Variants in VPS8 observed in about 807,000 individuals in gnomAD.
VPS8 encodes the protein VPS8 subunit of CORVET complex, also known as vacuolar protein sorting-associated protein 8 homolog.
In VPS8, 129 loss-of-function variants were observed where a neutral mutation model predicts 216.4. The observed-to-expected ratio is 0.60, with a 90% CI of 0.52 to 0.69. The LOEUF is 0.69. VPS8 is among the 30% of genes least tolerant of loss of function. VPS8 has a pLI of 0.00. For missense variants in VPS8, 1,531 were observed against 1,683.5 expected (o/e 0.91, Z 1.59); for synonymous variants, 571 against 565.4 (o/e 1.01, Z -0.14).
At chr3:185,029,719 A>G (rs1757854519) in intron 46 of VPS8, among the ~76,000 whole-genome samples, 1 of 151,854 alleles carries the variant, frequency 6.6e-6, no homozygotes, top group South Asian at 2.1e-4. Flanking sequence ...ACACCACCAC[A>G]CCCAGCTAAT....
intron 25 of VPS8, among the ~76,000 whole-genome samples, chr3:184,912,733 C>A (rs1392879356): frequency 6.6e-6 from 1 of 152,190 alleles, no homozygotes; most frequent in African/African-American, 2.4e-5. Context: ...CATGCACTAA[C>A]AACATCACAG....
intron 25 of VPS8, among the ~76,000 whole-genome samples, chr3:184,906,289 T>C (rs1735480149): frequency 6.6e-6 from 1 of 152,182 alleles, no homozygotes; most frequent in Non-Finnish European, 1.5e-5. Flanking sequence ...AATGTACTTT[T>C]TATGATTTAT....
At chr3:184,980,176 G>C (rs1749961731) in intron 40 of VPS8, among the ~76,000 whole-genome samples, 1 of 151,846 alleles carries the variant, frequency 6.6e-6, no homozygotes, top group Non-Finnish European at 1.5e-5. Context: ...TGCCCAATGG[G>C]GTTCCCTTTG....
At chr3:184,814,893 C>T (rs1396977836) in intron 1 of VPS8, among the ~76,000 whole-genome samples, 4 of 152,058 alleles carry the variant, frequency 2.6e-5, no homozygotes, top group Admixed American at 2.0e-4. Flanking sequence ...TTTTTAACTT[C>T]TTTGTGATAA....
intron 5 of VPS8, 88 bp from the exon 6 acceptor site, chr3:184,838,626 G>T (rs189705341): frequency 9.4e-7 from 1 of 1,062,126 alleles, no homozygotes; most frequent in Admixed American, 3.1e-5. Flanking sequence ...TTGATTTGGA[G>T]CAAGTATATG....
intron 2 of VPS8, 103 bp from the exon 3 acceptor site, chr3:184,826,060 A>G (rs1328891694): frequency 2.6e-6 from 2 of 759,672 alleles, no homozygotes; most frequent in Non-Finnish European, 4.2e-6. Context: ...TTTTGGTGGT[A>G]AGTTTGTCTT....
At chr3:184,869,095 T>C (rs1727887875) in intron 19 of VPS8, 59 bp downstream of exon 19, 12 of 1,483,484 alleles carry the variant, frequency 8.1e-6, no homozygotes, top group Non-Finnish European at 1.1e-5. Context: ...AGGGAATGGT[T>C]AGTACTAACC....
intron 34 of VPS8, among the ~76,000 whole-genome samples, chr3:184,935,877 C>T (rs1408773008): frequency 2.0e-5 from 3 of 152,100 alleles, no homozygotes; most frequent in Non-Finnish European, 4.4e-5. Context: ...TATTCTTTCT[C>T]GTTTCTTCAA....
chr3:184,940,575 C>T (rs567191588), intron 36 of VPS8, among the ~76,000 whole-genome samples: 2 of 152,248 alleles, frequency 1.3e-5, no homozygotes, highest in South Asian at 4.1e-4. Context: ...TTGCCTACTC[C>T]TAACTTCATG....
At chr3:184,990,412 A>G (rs553544787) in intron 42 of VPS8, among the ~76,000 whole-genome samples, 1 of 152,206 alleles carries the variant, frequency 6.6e-6, no homozygotes, top group Non-Finnish European at 1.5e-5. Flanking sequence ...GTTACCTACA[A>G]CACCCAGTGC....
chr3:185,037,173 TTC>T (rs2108487733), intron 46 of VPS8, among the ~76,000 whole-genome samples: 1 of 151,996 alleles, frequency 6.6e-6, no homozygotes, highest in South Asian at 2.1e-4. Context: ...TATCAACAAA[TTC>T]TCTCAGTTTT....
intron 1 of VPS8, chr3:184,813,914 C>T (rs1017364997): frequency 3.9e-5 from 6 of 152,264 alleles, no homozygotes; most frequent in South Asian, 4.1e-4. Flanking sequence ...GAGTTTAGAT[C>T]GTATGTTCTC....
intron 40 of VPS8, among the ~76,000 whole-genome samples, chr3:184,972,110 C>T (rs1748523037): frequency 6.6e-6 from 1 of 150,590 alleles, no homozygotes; most frequent in Non-Finnish European, 1.5e-5. Context: ...TTGTCTGAAA[C>T]TAGGAATCAG....
At position 185,051,898 on chromosome 3, in the gene VPS8, C is replaced by G. The variant is rs374951664; in HGVS notation, c.4160C>G (p.Ser1387Cys). The stretch of plus-strand genomic sequence containing the variant: ...CAGCTGGCTCTCCTCACGGAACTCT[C>G]CCAGAATCGCAGCAGCGAGAGCTAT... ...SSRLALLTEL[S>C]QNRSSESYRP... The change falls in exon 48 of 48, where the codon TCC (serine) becomes TGC (cysteine). Residue 1387 changes from serine (S) to cysteine (C), a missense_variant. Ser to Cys is a moderately radical substitution (Grantham distance 112, BLOSUM62 -1). This residue lies in a region of VPS8 where 1,318 missense variants were observed against 1,468.4 expected (regional missense o/e 0.90). Transcript: ENST00000625842. The G allele has an allele frequency of 2.0e-5, 32 of 1,609,584 alleles. No individual in the cohort carries two copies. Among genetic ancestry groups the G allele is most frequent in the African/African-American group, 2.7e-5 (2 of 74,788 alleles).
chr3:184,818,382 G>C (rs1016836670), intron 1 of VPS8, among the ~76,000 whole-genome samples: 1 of 151,992 alleles, frequency 6.6e-6, no homozygotes, highest in Non-Finnish European at 1.5e-5. Context: ...AATTAGCTGG[G>C]CATGGTGGTG....
intron 36 of VPS8, among the ~76,000 whole-genome samples, chr3:184,952,830 G>A (rs575989811): frequency 2.2e-4 from 34 of 152,318 alleles, no homozygotes; most frequent in African/African-American, 8.2e-4. Context: ...GGTGTTTAGT[G>A]TTTAGGAAAG....
chr3:184,908,800 G>A (rs1420490533), intron 25 of VPS8, among the ~76,000 whole-genome samples: 1 of 152,206 alleles, frequency 6.6e-6, no homozygotes, highest in Non-Finnish European at 1.5e-5. Flanking sequence ...GGGATACAGG[G>A]GTGGTCCCAC....
At chr3:185,040,926 GGC>G (rs1410553515) in intron 46 of VPS8, among the ~76,000 whole-genome samples, 1 of 152,172 alleles carries the variant, frequency 6.6e-6, no homozygotes, top group Non-Finnish European at 1.5e-5. Flanking sequence ...AGGTTGGCCA[GGC>G]GCGGTGGCTC....
At chr3:184,928,429 C>T (rs777832685) in intron 31 of VPS8, 22 bp from the exon 32 acceptor site, 20 of 1,524,022 alleles carry the variant, frequency 1.3e-5, no homozygotes, top group Admixed American at 2.5e-5. Flanking sequence ...AGTGTTTTTA[C>T]TCATTTATTG....
Sources: gnomAD v4.1 joint callset for allele counts (sites outside exome capture counted in the v4.1 genomes callset) on GRCh38, gnomAD v4.1.1 for gene constraint, gnomAD v4.1.1 regional missense constraint, MANE v1.5 for transcripts, NCBI Gene and HGNC (gene_info 2026-07-23, HGNC 2026-07-21) for gene names.